MTPAP: variants seen among roughly 807,000 people sequenced by gnomAD.
The protein encoded by MTPAP is mitochondrial poly(A) polymerase.
Under a neutral mutation model 48.7 loss-of-function variants are expected in MTPAP, and 23 were observed. The ratio of observed to expected loss-of-function variants is 0.47; its 90% CI spans 0.34 to 0.67. The LOEUF (loss-of-function observed/expected upper bound fraction) is 0.67, where lower values mean the gene tolerates loss of function less well. MTPAP is among the 30% of genes least tolerant of loss of function. MTPAP has a pLI of 0.01. For missense variants in MTPAP, 614 were observed against 694.3 expected (o/e 0.88, Z 1.30); for synonymous variants, 257 against 254.1 (o/e 1.01, Z -0.11).
chr10:30,324,911 A>T (rs555453602), intron 5 of MTPAP, among the ~76,000 whole-genome samples: 1 of 152,032 alleles, frequency 6.6e-6, no homozygotes, highest in Non-Finnish European at 1.5e-5. Flanking sequence ...GATTGAAGCC[A>T]GGAGGCGGAG....
In MTPAP at chr10:30,326,544, C is replaced by A; in HGVS notation, c.872G>T (p.Cys291Phe). ...TQKILSVLGE[C>F]LDHFGPGCVG... ...ACAGCCAGGGCCAAAGTGGTCAAGG[C>A]ACTCTCCTAACACAGACAGGATCTT... is the stretch of plus-strand genomic sequence containing the variant. The change falls in exon 5 of 9, where the codon TGC becomes TTC. Residue 291 changes from cysteine (C) to phenylalanine (F), a missense_variant. Coordinates refer to ENST00000263063, the MANE Select transcript of MTPAP (RefSeq NM_018109.4). 1 of 1,614,090 alleles carries A rather than the reference C, an allele frequency of 6.2e-7. No individual in the cohort carries two copies.
chr10:30,339,480 CAAAAAAAAAAA>C (rs34169013), intron 3 of MTPAP, among the ~76,000 whole-genome samples: 9 of 92,272 alleles, frequency 9.8e-5, no homozygotes, highest in African/African-American at 3.6e-4. Context: ...GACTCCATCT[CAAAAAAAAAAA>C]AAAAAAAAGA....
At position 30,313,549 on chromosome 10, in the gene MTPAP, AAGT is replaced by A. The variant is rs1401579418; in HGVS notation, c.*57_*59del. ...GTGAAAGTTTCAAATCAGTTTTTCC[AAGT>A]AAGTCCACAGACCATTTGATAGGCT... On this transcript the variant is annotated 3_prime_UTR_variant, in exon 9 of 9. Transcript: ENST00000263063. 1.0e-5 allele frequency: 16 copies of A among 1,606,294 alleles called. No individual in the cohort carries two copies.
chr10:30,340,290 C>T lies in MTPAP; in HGVS notation c.491G>A (p.Arg164Gln), dbSNP rs773665800. 6 of 1,613,998 alleles carry T rather than the reference C, an allele frequency of 3.7e-6. No individual in the cohort carries two copies. The highest frequency in any genetic ancestry group is 3.3e-5 in the Admixed American group (2 of 59,986). The change falls in exon 3 of 9, where the codon CGG (arginine) becomes CAG (glutamine). Residue 164 changes from arginine (R) to glutamine (Q), a missense_variant. Physicochemically the swap from Arg to Gln is conservative, Grantham distance 43. Around this residue, in one of 5 missense-constraint regions of MTPAP, gnomAD observed 114 missense variants for 107.9 expected, o/e 1.06. Transcript: ENST00000263063. ...TGAACGTGGCAACTGATTACTTGAC[C>T]GTACGCGTGACCGTTCAGAAGTCTG... ...KNQTSERSRV[R>Q]SSNQLPRSNK... is the part of the protein sequence containing the mutation.
At chr10:30,328,295 C>T (rs940440420) in intron 4 of MTPAP, among the ~76,000 whole-genome samples, 1 of 152,192 alleles carries the variant, frequency 6.6e-6, no homozygotes, top group Non-Finnish European at 1.5e-5. Flanking sequence ...TAAAGACAAA[C>T]AGGTTAGTGA....
At chr10:30,323,304 T>A (rs1840747530) in intron 5 of MTPAP, among the ~76,000 whole-genome samples, 1 of 131,964 alleles carries the variant, frequency 7.6e-6, no homozygotes, top group South Asian at 2.5e-4. Flanking sequence ...ATACAAAAAT[T>A]AGCTGGGCGT....
chr10:30,342,565 G>T (rs1032517641), intron 1 of MTPAP, among the ~76,000 whole-genome samples: 14 of 145,036 alleles, frequency 9.7e-5, no homozygotes, highest in African/African-American at 3.5e-4. Context: ...AAAAAACCAG[G>T]AAACTAAAAT....
intron 8 of MTPAP, among the ~76,000 whole-genome samples, chr10:30,314,719 A>G (rs1840639164): frequency 6.6e-6 from 1 of 151,934 alleles, no homozygotes; most frequent in South Asian, 2.1e-4. Flanking sequence ...CTAAAAATAC[A>G]AAACTAGCCA....
rs373267561 is a variant in MTPAP, at chr10:30,319,848, A to G, written c.1219+2543T>C. ...AAAAATTCTCTTACCGTATTTAAAAACTACTGCAAAAATTTAAAAACAATC... is the reference window on the plus strand; with the variant it reads ...AAAAATTCTCTTACCGTATTTAAAAGCTACTGCAAAAATTTAAAAACAATC... On this transcript the variant is annotated intron_variant, in intron 6 of 8. Coordinates refer to ENST00000263063, the MANE Select transcript of MTPAP (RefSeq NM_018109.4). 2.6e-5 allele frequency among the ~76,000 whole-genome samples: 4 copies of G among 152,206 alleles called. No individual in the cohort carries two copies. The East Asian group carries it at 5.8e-4, about 22-fold the overall frequency.
intron 6 of MTPAP, among the ~76,000 whole-genome samples, chr10:30,318,373 G>A (rs927717932): frequency 2.6e-5 from 4 of 152,122 alleles, no homozygotes; most frequent in African/African-American, 7.2e-5. Context: ...TATATAAAAT[G>A]TATGTATGTA....
Position 30,312,123 on chromosome 10 carries a change from A to T in MTPAP, c.*1486T>A, listed in dbSNP as rs1490773838. ...GCACCCCAGCCTGGGCAACAAGAGC[A>T]AAACTCCGTCTCAGAAACAAAACGA... On this transcript the variant is annotated 3_prime_UTR_variant, in exon 9 of 9. Coordinates refer to ENST00000263063, the MANE Select transcript of MTPAP (RefSeq NM_018109.4). 1 of 152,298 alleles carries T rather than the reference A, an allele frequency of 6.6e-6. No homozygotes were observed. Among genetic ancestry groups the T allele is most frequent in the African/African-American group, 2.4e-5 (1 of 41,442 alleles). The allele number at this position is 152,298 out of a possible 1,614,324, so 9.4% of individuals were successfully genotyped here.
rs1353002996 is a variant in MTPAP at position 30,312,945 on chromosome 10, T to C, written c.*664A>G. 6.6e-6 allele frequency: 1 copy of C among 152,312 alleles called. No homozygotes were observed. Among genetic ancestry groups the C allele is most frequent in the Non-Finnish European group, 1.5e-5 (1 of 68,096 alleles). 9.4% of individuals were successfully genotyped at this position (152,312 alleles called of 1,614,324 possible). ...ATACCTAAGAATGCAGTGACTGAAA[T>C]GTCTGTTCTAAAAACATAAACATTT... On this transcript the variant is annotated 3_prime_UTR_variant, in exon 9 of 9. Coordinates refer to ENST00000263063, the MANE Select transcript of MTPAP (RefSeq NM_018109.4).
rs1384602586 is a variant in MTPAP at position 30,310,600 on chromosome 10, G to T, written c.*3009C>A. On this transcript the variant is annotated 3_prime_UTR_variant, in exon 9 of 9. Coordinates refer to ENST00000263063, the MANE Select transcript of MTPAP (RefSeq NM_018109.4). ...CCATCTCAAAAAAAAAAAAAAAAAA[G>T]GGTCTTTGTAGGCCAGGTGCGGTGG... 1 of 141,056 alleles carries T rather than the reference G, an allele frequency of 7.1e-6. No individual in the cohort carries two copies. Among genetic ancestry groups the T allele is most frequent in the Non-Finnish European group, 1.5e-5 (1 of 65,238 alleles). 8.7% of individuals were successfully genotyped at this position (141,056 alleles called of 1,614,324 possible).
At position 30,326,261 on chromosome 10, in the gene MTPAP, C is replaced by T. The variant is rs2484286; in HGVS notation, c.992+163G>A. Among the ~76,000 whole-genome samples, 143,214 of 152,228 alleles carry T rather than the reference C, an allele frequency of 0.94. 67,921 individuals are homozygous for T. The highest frequency in any genetic ancestry group is 1 in the Non-Finnish European group (67,933 of 68,042). On this transcript the variant is annotated intron_variant, in intron 5 of 8. Transcript: ENST00000263063. ...AACACCAAATTATCAACAGGTATAA[C>T]GTAAGAGAAAAGATTACTTACTTTT... is the stretch of plus-strand genomic sequence containing the variant.
chr10:30,335,049 G>A (rs1588718632), intron 4 of MTPAP, among the ~76,000 whole-genome samples: 1 of 152,196 alleles, frequency 6.6e-6, no homozygotes, highest in African/African-American at 2.4e-5. Context: ...AACTTAGAAA[G>A]AACATTTGTG....
intron 4 of MTPAP, among the ~76,000 whole-genome samples, chr10:30,326,992 A>G (rs1031804414): frequency 6.6e-6 from 1 of 152,184 alleles, no homozygotes; most frequent in African/African-American, 2.4e-5. Flanking sequence ...GTTGACCATT[A>G]TATTTTAATC....
intron 5 of MTPAP, among the ~76,000 whole-genome samples, chr10:30,323,309 G>A (rs1056407727): frequency 3.9e-4 from 59 of 150,960 alleles, no homozygotes; most frequent in Non-Finnish European, 6.1e-4. Flanking sequence ...AAAATTAGCT[G>A]GGCGTGGTGG....
At chr10:30,335,325 A>G (rs1834715598) in intron 4 of MTPAP, among the ~76,000 whole-genome samples, 1 of 151,946 alleles carries the variant, frequency 6.6e-6, no homozygotes, top group Non-Finnish European at 1.5e-5. Context: ...TGTCTCTACT[A>G]AAACAAAAAA....
At chr10:30,316,463 G>A (rs1215562899) in intron 6 of MTPAP, among the ~76,000 whole-genome samples, 2 of 150,666 alleles carry the variant, frequency 1.3e-5, no homozygotes, top group Admixed American at 6.6e-5. Context: ...GGCTGGTCTC[G>A]AACTCCTGAC....
Sources: allele counts gnomAD v4.1 joint callset (sites outside exome capture counted in the v4.1 genomes callset), GRCh38; gene constraint gnomAD v4.1.1; regional missense constraint gnomAD v4.1.1; transcripts MANE v1.5; gene names NCBI Gene and HGNC (gene_info 2026-07-23, HGNC 2026-07-21).